Variants in OTOG observed in about 807,000 individuals in gnomAD.
OTOG encodes the protein otogelin.
In OTOG, 296 loss-of-function variants were observed where a neutral mutation model predicts 313.8. The observed-to-expected ratio is 0.94, with a 90% CI of 0.86 to 1.04. The LOEUF is 1.04. Ranked by LOEUF, OTOG falls within the 50% of genes least tolerant of loss-of-function variation. OTOG has a pLI of 0.00. For synonymous variants in OTOG, 1,533 were observed against 1,554.9 expected (o/e 0.99, Z 0.33); for missense variants, 3,948 against 3,840.1 (o/e 1.03, Z -0.74).
rs997788417 is a variant in OTOG at position 17,574,987 on chromosome 11, G to C, written c.2486+75G>C. 11 of 1,367,662 alleles carry C rather than the reference G, an allele frequency of 8.0e-6. No homozygotes were observed. In the Admixed American group the frequency reaches 1.4e-4, roughly 18 times the overall value. 84.7% of individuals were successfully genotyped at this position (1,367,662 alleles called of 1,614,324 possible). ...GGTCTCCAGGGCATCTGAGACTGGG[G>C]AACCTGGCTGGGCCTCTTGTGTCCC... On this transcript the variant is annotated intron_variant, in intron 20 of 55. Coordinates refer to ENST00000399397, the MANE Select transcript of OTOG (RefSeq NM_001292063.2).
Position 17,638,517 on chromosome 11 carries a change from G to C in OTOG, c.7862G>C (p.Ser2621Thr). The C allele has an allele frequency of 1.3e-6, 2 of 1,550,430 alleles. No homozygotes were observed. Among genetic ancestry groups the C allele is most frequent in the Non-Finnish European group, 1.7e-6 (2 of 1,147,002 alleles). The change falls in exon 48 of 56, where the codon AGC (serine) becomes ACC (threonine). Residue 2621 changes from serine to threonine, a missense_variant. By Grantham distance (58) the Ser-to-Thr change is moderately conservative. Transcript: ENST00000399397. The stretch of plus-strand genomic sequence containing the variant: ...GGCACTGCCCTGGTGGAGGTGTGGA[G>C]CCCCGACCGCTGCTGCCCCTACAAA... The part of the protein sequence containing the change: ...GLGTALVEVW[S>T]PDRCCPYKSC...
intron 49 of OTOG, 73 bp from the exon 50 acceptor site, chr11:17,640,672 C>G (rs894675401): frequency 1.4e-6 from 2 of 1,461,256 alleles, no homozygotes; most frequent in African/African-American, 2.8e-5. Flanking sequence ...AGAGAGGGGC[C>G]CAGGTGGCAG....
chr11:17,589,576 T>G (rs536460650), intron 24 of OTOG, among the ~76,000 whole-genome samples: 2 of 152,262 alleles, frequency 1.3e-5, no homozygotes, highest in South Asian at 2.1e-4. Flanking sequence ...ATAAACAATT[T>G]GCATTCTCTA....
chr11:17,600,960 G>A (rs776390348), intron 31 of OTOG, among the ~76,000 whole-genome samples: 2 of 152,214 alleles, frequency 1.3e-5, no homozygotes, highest in East Asian at 1.9e-4. Context: ...CTGCCACAGC[G>A]GTGTGTGGAG....
At position 17,572,988 on chromosome 11, in the gene OTOG, C is replaced by G. The variant is rs1852436897; in HGVS notation, c.2081-90C>G. 4 of 1,241,642 alleles carry G rather than the reference C, an allele frequency of 3.2e-6. No homozygotes were observed. The Admixed American group carries it at 8.8e-5, about 27-fold the overall frequency. The allele number at this position is 1,241,642 out of a possible 1,614,324, so 76.9% of individuals were successfully genotyped here. Reference sequence around the variant, plus strand: ...TACAGCGTGTGCACACACACACACCCCTGAGCCATGGGGAGGGAGAGAGGC... The same window carrying G: ...TACAGCGTGTGCACACACACACACCGCTGAGCCATGGGGAGGGAGAGAGGC... On this transcript the variant is annotated intron_variant, in intron 18 of 55. Coordinates refer to ENST00000399397, the MANE Select transcript of OTOG (RefSeq NM_001292063.2).
chr11:17,557,752 T>A (rs1181068384), intron 8 of OTOG, among the ~76,000 whole-genome samples: 3 of 151,848 alleles, frequency 2.0e-5, no homozygotes, highest in Non-Finnish European at 4.4e-5. Context: ...GCCAGAAGGG[T>A]CGTGACCCCT....
intron 28 of OTOG, among the ~76,000 whole-genome samples, chr11:17,594,567 C>A (rs1164218290): frequency 6.6e-6 from 1 of 152,106 alleles, no homozygotes. Flanking sequence ...GAGAGTGGTG[C>A]TGGCACTTAA....
In OTOG at chr11:17,555,900, A is replaced by G; in HGVS notation, c.659+3A>G. 6.5e-7 allele frequency: 1 copy of G among 1,545,566 alleles called. No homozygotes were observed. Among genetic ancestry groups the G allele is most frequent in the Non-Finnish European group, 8.8e-7 (1 of 1,142,092 alleles). On this transcript the variant is annotated splice_donor_region_variant and intron_variant, in intron 7 of 55. Coordinates refer to ENST00000399397, the MANE Select transcript of OTOG (RefSeq NM_001292063.2). ...GAGGTCACCCATGGAGGCATGAGGT[A>G]ACTCTAACACCTTCCACATCGAGCT...
Position 17,610,599 on chromosome 11 carries a change from C to G in OTOG, c.5299C>G (p.Pro1767Ala). The change falls in exon 36 of 56, where the codon CCA (proline) becomes GCA (alanine). Residue 1767 changes from proline to alanine, a missense_variant. Physicochemically the swap from Pro to Ala is conservative, Grantham distance 27. Coordinates refer to ENST00000399397, the MANE Select transcript of OTOG (RefSeq NM_001292063.2). Reference protein sequence around the residue: ...TMATRSPALPPETPAAASLST... With the variant: ...TMATRSPALPAETPAAASLST... Reference sequence around the variant, plus strand: ...GGCCACCAGGTCTCCAGCTCTGCCCCCAGAGACCCCAGCTGCCGCCAGCCT... The same window carrying G: ...GGCCACCAGGTCTCCAGCTCTGCCCGCAGAGACCCCAGCTGCCGCCAGCCT... 6.4e-7 allele frequency: 1 copy of G among 1,550,650 alleles called. No individual in the cohort carries two copies.
intron 15 of OTOG, among the ~76,000 whole-genome samples, chr11:17,567,836 T>G (rs1262336286): frequency 6.6e-6 from 1 of 152,272 alleles, no homozygotes; most frequent in East Asian, 1.9e-4. Flanking sequence ...TCAACTTATA[T>G]GTCAACTTTT....
chr11:17,642,048 A>G lies in OTOG; in HGVS notation c.8296-79A>G, dbSNP rs535809009. 242 of 1,519,746 alleles carry G rather than the reference A, an allele frequency of 1.6e-4. 1 individual carries two copies. Among genetic ancestry groups the G allele is most frequent in the Non-Finnish European group, 2.0e-4 (222 of 1,128,892 alleles). The allele number at this position is 1,519,746 out of a possible 1,614,324, so 94.1% of individuals were successfully genotyped here. A position where few individuals can be genotyped will look rare whatever the true frequency, so the allele number is the denominator to read the frequency against. On this transcript the variant is annotated intron_variant, in intron 52 of 55. Coordinates refer to ENST00000399397, the MANE Select transcript of OTOG (RefSeq NM_001292063.2). ...GCTTGCAGGCCAGGGCTGGGTACAAACAGGCTCCCAGACCCTATGGGTTTG... is the reference window on the plus strand; with the variant it reads ...GCTTGCAGGCCAGGGCTGGGTACAAGCAGGCTCCCAGACCCTATGGGTTTG...
At position 17,596,875 on chromosome 11, in the gene OTOG, A is replaced by T; in HGVS notation, c.3550A>T (p.Asn1184Tyr). The part of the protein sequence containing the change: ...PVVDVTWFYS[N>Y]CLTDTCGCSQ... Reference sequence around the variant, plus strand: ...GGTTGATGTCACTTGGTTTTACTCAAACTGCCTGACAGACACATGTGGCTG... The same window carrying T: ...GGTTGATGTCACTTGGTTTTACTCATACTGCCTGACAGACACATGTGGCTG... The change falls in exon 30 of 56, where the codon AAC becomes TAC. Residue 1184 changes from asparagine to tyrosine, a missense_variant. Transcript: ENST00000399397. 2 of 1,551,124 alleles carry T rather than the reference A, an allele frequency of 1.3e-6. No homozygotes were observed. The highest frequency in any genetic ancestry group is 1.7e-6 in the Non-Finnish European group (2 of 1,147,106).
At chr11:17,580,139 G>A (rs970596720) in intron 23 of OTOG, among the ~76,000 whole-genome samples, 2 of 152,200 alleles carry the variant, frequency 1.3e-5, no homozygotes, top group Non-Finnish European at 2.9e-5. Flanking sequence ...CCTTCTCAAT[G>A]ATGTATCTAA....
At chr11:17,642,003 C>G (rs1198290175) in intron 52 of OTOG, 52 bp downstream of exon 52, 14 of 1,538,280 alleles carry the variant, frequency 9.1e-6, no homozygotes, top group Non-Finnish European at 8.8e-7. Flanking sequence ...AAGGGGACAC[C>G]AGGACTAGGG....
intron 48 of OTOG, chr11:17,638,986 G>T: frequency 2.7e-6 from 1 of 374,258 alleles, no homozygotes; most frequent in South Asian, 2.2e-5. Flanking sequence ...TAAGAGGGTG[G>T]ACGTTGCAGT....
At chr11:17,593,065 C>A in intron 25 of OTOG, 128 bp from the exon 26 acceptor site, 1 of 976,646 alleles carries the variant, frequency 1.0e-6, no homozygotes, top group Non-Finnish European at 1.4e-6. Context: ...CAAAGTCACA[C>A]AGCTCAGCTA....
At chr11:17,602,419 AGGAGGGTGCTAGAGGAGG>A (rs1395669308) in intron 32 of OTOG, 42 bp downstream of exon 32, 1 of 1,534,426 alleles carries the variant, frequency 6.5e-7, no homozygotes, top group African/African-American at 1.4e-5. Context: ...TCTGGGAGGC[AGGAGGGTGCTAGAGGAGG>A]GGAGGGTGCT....
chr11:17,585,184 A>C (rs1852763642), intron 23 of OTOG, among the ~76,000 whole-genome samples: 1 of 152,252 alleles, frequency 6.6e-6, no homozygotes, highest in African/African-American at 2.4e-5. Flanking sequence ...ATTTCTTTAA[A>C]GATATTGGGC....
chr11:17,638,738 T>A (rs1565129952), intron 48 of OTOG, 189 bp downstream of exon 48: 1 of 1,545,704 alleles, frequency 6.5e-7, no homozygotes, highest in Non-Finnish European at 8.7e-7. Context: ...CCTACAGCCT[T>A]TTCTCTCTAG....
Sources: allele counts gnomAD v4.1 joint callset (sites outside exome capture counted in the v4.1 genomes callset), GRCh38; gene constraint gnomAD v4.1.1; transcripts MANE v1.5; gene names NCBI Gene and HGNC (gene_info 2026-07-23, HGNC 2026-07-21).